AGRN: variants seen among roughly 807,000 people sequenced by gnomAD.
AGRN encodes the protein agrin proteoglycan.
AGRN carries 106 observed loss-of-function variants against 211.0 expected under a neutral mutation model. The observed-to-expected ratio is 0.50, with a 90% CI of 0.43 to 0.59. The LOEUF (loss-of-function observed/expected upper bound fraction) is 0.59, where lower values mean the gene tolerates loss of function less well. Ranked by LOEUF, AGRN falls within the 20% of genes least tolerant of loss-of-function variation. The probability of loss-of-function intolerance (pLI) is 0.00; values close to 1 mark genes in which losing one functional copy is unlikely to be tolerated. For missense variants in AGRN, 3,040 were observed against 2,982.6 expected (o/e 1.02, Z -0.45); for synonymous variants, 1,525 against 1,332.5 (o/e 1.14, Z -3.15).
In AGRN at chr1:1,042,056, G is replaced by T; in HGVS notation, c.1278G>T (p.Arg426Ser). The T allele has an allele frequency of 6.2e-7, 1 of 1,608,010 alleles. No individual in the cohort carries two copies. Among genetic ancestry groups the T allele is most frequent in the Non-Finnish European group, 8.5e-7 (1 of 1,179,504 alleles). ...GCGTCACCTGTGACGGGGCCTACAG[G>T]CCCGTGTGTGCCCAGGACGGGCGCA... ...CDRVTCDGAY[R>S]PVCAQDGRTY... is the part of the protein sequence containing the mutation. Residue 426 changes from arginine (R) to serine (S), a missense_variant, in exon 7 of 36, where the codon AGG (arginine) becomes AGT (serine). Around this residue, in one of 3 missense-constraint regions of AGRN, gnomAD observed 1,498 missense variants for 1,457.8 expected, o/e 1.03. Transcript: ENST00000379370.
chr1:1,046,559 G>A lies in AGRN; in HGVS notation c.3074G>A (p.Arg1025Gln), dbSNP rs372696395. Residue 1025 changes from arginine (R) to glutamine (Q), a missense_variant, in exon 18 of 36, where the codon CGG (arginine) becomes CAG (glutamine). Around this residue, in one of 3 missense-constraint regions of AGRN, gnomAD observed 1,537 missense variants for 1,505.0 expected, o/e 1.02. Coordinates refer to ENST00000379370, the MANE Select transcript of AGRN (RefSeq NM_198576.4). ...QTTPPPSSRP[R>Q]TTASVPRTTV... ...ACCCCTCCGCCCTCATCACGACCTC[G>A]GACCACTGCCAGCGTCCCCAGGACC... 4.0e-5 allele frequency: 65 copies of A among 1,608,996 alleles called. No homozygotes were observed. The highest frequency in any genetic ancestry group is 1.0e-4 in the Admixed American group (6 of 59,822).
intron 2 of AGRN, chr1:1,034,780 C>A (rs993840300): frequency 3.1e-6 from 3 of 963,376 alleles, no homozygotes; most frequent in African/African-American, 1.7e-5. Context: ...CTGGAGGCCG[C>A]GGCGGGTCCG....
At chr1:1,024,502 C>A (rs955440309) in intron 2 of AGRN, among the ~76,000 whole-genome samples, 1 of 152,030 alleles carries the variant, frequency 6.6e-6, no homozygotes. Flanking sequence ...TCTGGGCAGC[C>A]CCTAGTCTTC....
In AGRN at chr1:1,046,716, C is replaced by T; in HGVS notation, c.3231C>T (p.Ala1077=). The change falls in exon 18 of 36, where the codon GCC becomes GCT. Residue 1077 remains alanine, a synonymous_variant. Transcript: ENST00000379370. ...AGGAACTGAGCGGGGACCAGGAGGC[C>T]AGTGGGGGTGGCTCTGGGGGTGAGC... The part of the protein sequence containing the change: ...SDEELSGDQE[A]SGGGSGGLEP... The T allele has an allele frequency of 6.3e-7, 1 of 1,580,894 alleles. No individual in the cohort carries two copies.
chr1:1,033,131 G>T (rs917327350), intron 2 of AGRN, among the ~76,000 whole-genome samples: 2 of 151,832 alleles, frequency 1.3e-5, no homozygotes, highest in African/African-American at 2.4e-5. Context: ...CCACGGACCC[G>T]CAGGGAGTCC....
Position 1,056,096 on chromosome 1 carries a change from T to TA in AGRN, c.*1118dup, listed in dbSNP as rs1645442833. ...TGTTTCTGTGTCAATCGCTGTGAAA[T>TA]AAAGTCTGAAAACTTTAAAAGCATT... On this transcript the variant is annotated 3_prime_UTR_variant, in exon 36 of 36. Coordinates refer to ENST00000379370, the MANE Select transcript of AGRN (RefSeq NM_198576.4). The TA allele has an allele frequency of 6.6e-6, 1 of 152,352 alleles. No individual in the cohort carries two copies. Among genetic ancestry groups the TA allele is most frequent in the Non-Finnish European group, 1.5e-5 (1 of 68,116 alleles). 9.4% of individuals were successfully genotyped at this position (152,352 alleles called of 1,614,324 possible).
chr1:1,021,553 T>C (rs1229382124), intron 1 of AGRN, among the ~76,000 whole-genome samples: 1 of 152,172 alleles, frequency 6.6e-6, no homozygotes, highest in Non-Finnish European at 1.5e-5. Context: ...GGGGAGTGCG[T>C]GAGTGCGTGG....
In AGRN at chr1:1,035,272, TC is replaced by T. The variant is rs1394236583; in HGVS notation, c.464-3del. ...AGCCTAACTTGGGGATTTGTTTTCT[TC>T]CAGATAAACCCGGGACCCACTTCAC... is the stretch of plus-strand genomic sequence containing the variant. On this transcript the variant is annotated splice_polypyrimidine_tract_variant and splice_region_variant and intron_variant, in intron 2 of 35. Transcript: ENST00000379370. 2 of 1,612,894 alleles carry T rather than the reference TC, an allele frequency of 1.2e-6. No individual in the cohort carries two copies. Among genetic ancestry groups the T allele is most frequent in the Middle Eastern group, 1.7e-4 (1 of 6,060 alleles).
rs755437030 is a variant in AGRN at position 1,046,596 on chromosome 1, C to T, written c.3111C>T (p.Pro1037=). Residue 1037 remains proline (P), a synonymous_variant, in exon 18 of 36, where the codon CCC becomes CCT. Coordinates refer to ENST00000379370, the MANE Select transcript of AGRN (RefSeq NM_198576.4). ...GCGTCCCCAGGACCACCGTGTGGCC[C>T]GTGCTGACGGTGCCCCCCACGGCAC... ...TASVPRTTVW[P]VLTVPPTAPS... 32 of 1,606,116 alleles carry T rather than the reference C, an allele frequency of 2.0e-5. No homozygotes were observed. The East Asian group carries it at 2.7e-4, about 13-fold the overall frequency.
intron 12 of AGRN, among the ~76,000 whole-genome samples, chr1:1,044,780 C>T (rs561431599): frequency 6.6e-6 from 1 of 152,266 alleles, no homozygotes; most frequent in East Asian, 1.9e-4. Flanking sequence ...GTGTGTGATG[C>T]GCGTGCACAG....
intron 31 of AGRN, 34 bp downstream of exon 31, chr1:1,051,403 C>A: frequency 3.2e-6 from 2 of 631,860 alleles, no homozygotes; most frequent in East Asian, 5.5e-5. Context: ...GCAGGGCCTC[C>A]GGGGCGGGCG....
Position 1,040,868 on chromosome 1 carries a change from C to G in AGRN, c.715C>G (p.Arg239Gly), listed in dbSNP as rs1211113306. The G allele has an allele frequency of 1.3e-6, 2 of 1,520,238 alleles. No individual in the cohort carries two copies. The highest frequency in any genetic ancestry group is 1.4e-5 in the African/African-American group (1 of 70,038). 94.2% of individuals were successfully genotyped at this position (1,520,238 alleles called of 1,614,324 possible). A position where few individuals can be genotyped will look rare whatever the true frequency, so the allele number is the denominator to read the frequency against. ...GCAGCGCCGCATCCGCCTGCTCAGC[C>G]GCGGGCCGTGCGGTGAGCGGGGCGG... is the stretch of plus-strand genomic sequence containing the variant. ...SQQRRIRLLS[R>G]GPCGSRDPCS... is the part of the protein sequence containing the mutation. Residue 239 changes from arginine to glycine, a missense_variant, in exon 4 of 36, where the codon CGC (arginine) becomes GGC (glycine). By Grantham distance (125) the Arg-to-Gly change is moderately radical (BLOSUM62 -2). Around this residue, in one of 3 missense-constraint regions of AGRN, gnomAD observed 1,498 missense variants for 1,457.8 expected, o/e 1.03. Coordinates refer to ENST00000379370, the MANE Select transcript of AGRN (RefSeq NM_198576.4).
At chr1:1,020,853 G>T (rs915742490) in intron 1 of AGRN, among the ~76,000 whole-genome samples, 9 of 150,934 alleles carry the variant, frequency 6.0e-5, no homozygotes, top group African/African-American at 2.2e-4. Context: ...GGTGCGGGGG[G>T]GGGGCGTGCA....
At chr1:1,038,311 AG>A in intron 3 of AGRN, among the ~76,000 whole-genome samples, 1 of 152,312 alleles carries the variant, frequency 6.6e-6, no homozygotes, top group African/African-American at 2.4e-5. Flanking sequence ...CCTGGCTTCA[AG>A]GTCCCGCCAG....
At chr1:1,027,932 A>C (rs1328357777) in intron 2 of AGRN, among the ~76,000 whole-genome samples, 2 of 152,092 alleles carry the variant, frequency 1.3e-5, no homozygotes, top group African/African-American at 4.8e-5. Flanking sequence ...CCCGCTGGAG[A>C]AGCACAAGCA....
In AGRN at chr1:1,052,476, ATG is replaced by A. The variant is rs944356229; in HGVS notation, c.5651+669_5651+670del. ...GCCGTGTGTGTGCATGGCTCCATGT[ATG>A]TGTGTGTATATGAGGGAGACATGCA... On this transcript the variant is annotated intron_variant, in intron 33 of 35. Transcript: ENST00000379370. 2 of 274,786 alleles carry A rather than the reference ATG, an allele frequency of 7.3e-6. 1 individual carries two copies. The highest frequency in any genetic ancestry group is 7.0e-5 in the South Asian group (2 of 28,680). 17.0% of individuals were successfully genotyped at this position (274,786 alleles called of 1,614,324 possible). A position where few individuals can be genotyped will look rare whatever the true frequency, so the allele number is the denominator to read the frequency against.
In AGRN at chr1:1,049,079, GGC is replaced by G; in HGVS notation, c.4298+21_4298+22del. 2 of 1,475,242 alleles carry G rather than the reference GGC, an allele frequency of 1.4e-6. No homozygotes were observed. The highest frequency in any genetic ancestry group is 9.0e-7 in the Non-Finnish European group (1 of 1,112,030). 91.4% of individuals were successfully genotyped at this position (1,475,242 alleles called of 1,614,324 possible). On this transcript the variant is annotated intron_variant, in intron 24 of 35. Coordinates refer to ENST00000379370, the MANE Select transcript of AGRN (RefSeq NM_198576.4). ...GCTCAGGTGGGCGGGGAGGGGACGGGGCCGGGGCAGCTCAGGTGGGCGGGGAG... is the reference window on the plus strand; with the variant it reads ...GCTCAGGTGGGCGGGGAGGGGACGGGCGGGGCAGCTCAGGTGGGCGGGGAG...
chr1:1,020,424 G>A (rs1290541845), intron 1 of AGRN, 51 bp downstream of exon 1: 3 of 1,468,302 alleles, frequency 2.0e-6, no homozygotes, highest in South Asian at 1.3e-5. Context: ...CCGCCCCGCC[G>A]GGACCCCCGC....
intron 3 of AGRN, among the ~76,000 whole-genome samples, chr1:1,035,950 T>C (rs1644795132): frequency 6.6e-6 from 1 of 151,498 alleles, no homozygotes; most frequent in Non-Finnish European, 1.5e-5. Context: ...ATCGGGGTGG[T>C]GTGAGGGTGT....
Sources: gnomAD v4.1 joint callset for allele counts (sites outside exome capture counted in the v4.1 genomes callset) on GRCh38, gnomAD v4.1.1 for gene constraint, gnomAD v4.1.1 regional missense constraint, MANE v1.5 for transcripts, NCBI Gene and HGNC (gene_info 2026-07-23, HGNC 2026-07-21) for gene names.